CSMD1: variants seen among roughly 807,000 people sequenced by gnomAD.
CSMD1 encodes CUB and Sushi multiple domains 1.
CSMD1 carries 213 observed loss-of-function variants against 417.5 expected under a neutral mutation model. That is an observed-to-expected ratio of 0.51 (90% CI 0.46 to 0.57). The LOEUF (loss-of-function observed/expected upper bound fraction) is 0.57, where lower values mean the gene tolerates loss of function less well. Ranked by LOEUF, CSMD1 falls within the 20% of genes least tolerant of loss-of-function variation. The pLI, the probability that CSMD1 is intolerant of heterozygous loss-of-function variation, is 0.00. For missense variants in CSMD1, 6,923 were observed against 4,529.7 expected, an observed-to-expected ratio of 1.53 and a Z score of -15.17; for synonymous variants, 2,862 against 1,736.8, an observed-to-expected ratio of 1.65 and a Z score of -16.11.
intron 23 of CSMD1, among the ~76,000 whole-genome samples, chr8:3,338,294 G>T (rs774146519): frequency 6.6e-6 from 1 of 152,166 alleles, no homozygotes; most frequent in Non-Finnish European, 1.5e-5. Context: ...GTGGGTGCTG[G>T]GCGTTTCTTG....
chr8:4,015,294 TATAGG>T (rs1796467155), intron 4 of CSMD1, among the ~76,000 whole-genome samples: 1 of 152,184 alleles, frequency 6.6e-6, no homozygotes, highest in Non-Finnish European at 1.5e-5. Flanking sequence ...TCGCAGAATT[TATAGG>T]CACCCATAAA....
At chr8:4,121,536 G>A (rs960032604) in intron 3 of CSMD1, among the ~76,000 whole-genome samples, 2 of 150,820 alleles carry the variant, frequency 1.3e-5, no homozygotes, top group African/African-American at 2.4e-5. Context: ...TTTGTTAATA[G>A]AAGTGAAGCA....
intron 1 of CSMD1, among the ~76,000 whole-genome samples, chr8:4,973,415 T>C (rs529626676): frequency 1.3e-5 from 2 of 152,298 alleles, no homozygotes; most frequent in Admixed American, 1.3e-4. Flanking sequence ...TCCTGAAGCA[T>C]TACTTTCCCC....
intron 7 of CSMD1, among the ~76,000 whole-genome samples, chr8:3,643,745 C>G (rs1797433169): frequency 6.7e-6 from 1 of 148,688 alleles, no homozygotes; most frequent in South Asian, 2.1e-4. Flanking sequence ...TCTGCCTTTT[C>G]CAGCTACTTA....
chr8:4,723,775 T>C (rs535101550), intron 1 of CSMD1, among the ~76,000 whole-genome samples: 1 of 128,544 alleles, frequency 7.8e-6, no homozygotes, highest in East Asian at 2.2e-4. Flanking sequence ...AAATGCAATA[T>C]GCTTTCGAAT....
At position 3,219,398 on chromosome 8, in the gene CSMD1, C is replaced by G; in HGVS notation, c.4529G>C (p.Gly1510Ala). The G allele has an allele frequency of 6.4e-7, 1 of 1,560,478 alleles. No individual in the cohort carries two copies. The highest frequency in any genetic ancestry group is 8.7e-7 in the Non-Finnish European group (1 of 1,152,790). Residue 1510 changes from glycine to alanine, a missense_variant, in exon 29 of 70, where the codon GGG (glycine) becomes GCG (alanine). Transcript: ENST00000635120. ...AATGAGGGGGCTGTTGGAATCTTCC[C>G]CTTCATAGATGTGTAGGAAGTCATA... is the stretch of plus-strand genomic sequence containing the variant. ...PSYDFLHIYE[G>A]EDSNSPLIGS...
At chr8:4,045,743 G>C (rs539250902) in intron 3 of CSMD1, among the ~76,000 whole-genome samples, 2 of 152,208 alleles carry the variant, frequency 1.3e-5, no homozygotes, top group Non-Finnish European at 2.9e-5. Context: ...GTGAACACCA[G>C]TGAACTGTGA....
At chr8:4,414,584 A>C (rs781599864) in intron 3 of CSMD1, among the ~76,000 whole-genome samples, 114 of 151,986 alleles carry the variant, frequency 7.5e-4, no homozygotes, top group Admixed American at 1.4e-3. Context: ...CTTTATCTTT[A>C]AATCAATTCA....
At position 4,424,291 on chromosome 8, in the gene CSMD1, T is replaced by G. The variant is rs1436714866; in HGVS notation, c.303-4226A>C. Among the ~76,000 whole-genome samples the G allele has an allele frequency of 3.3e-5, 5 of 152,006 alleles. No individual in the cohort carries two copies. The East Asian group carries it at 9.7e-4, about 29-fold the overall frequency. ...GGAAAACACATTCGCAAGCCAAATA[T>G]CTGACAAAAGACAAGTATCTAGAAT... On this transcript the variant is annotated intron_variant, in intron 2 of 69. Coordinates refer to ENST00000635120, the MANE Select transcript of CSMD1 (RefSeq NM_033225.6).
chr8:3,383,266 A>G (rs1190920285), intron 18 of CSMD1, among the ~76,000 whole-genome samples: 1 of 152,258 alleles, frequency 6.6e-6, no homozygotes, highest in Non-Finnish European at 1.5e-5. Flanking sequence ...CATGCAGTTT[A>G]CTGCATTTCA....
intron 2 of CSMD1, among the ~76,000 whole-genome samples, chr8:4,425,100 G>A (rs535738199): frequency 2.0e-5 from 3 of 151,948 alleles, no homozygotes; most frequent in Admixed American, 1.3e-4. Flanking sequence ...ATTCGCCTAA[G>A]TTAGGTACAA....
chr8:3,522,211 AT>A (rs1261019764), intron 10 of CSMD1, among the ~76,000 whole-genome samples: 3 of 152,156 alleles, frequency 2.0e-5, no homozygotes, highest in African/African-American at 7.2e-5. Context: ...ATTTTTTATT[AT>A]TTTATCTTAC....
chr8:4,796,299 C>T (rs554624768), intron 1 of CSMD1, among the ~76,000 whole-genome samples: 2 of 151,948 alleles, frequency 1.3e-5, no homozygotes, highest in Non-Finnish European at 2.9e-5. Context: ...AGAAGGCATT[C>T]CATGGAGATG....
chr8:4,556,793 G>C (rs935072186), intron 2 of CSMD1, among the ~76,000 whole-genome samples: 1 of 152,122 alleles, frequency 6.6e-6, no homozygotes, highest in Admixed American at 6.5e-5. Context: ...AACTTTCTGA[G>C]TGCTGACATA....
chr8:3,264,687 A>G (rs181928760), intron 26 of CSMD1, among the ~76,000 whole-genome samples: 10 of 152,314 alleles, frequency 6.6e-5, no homozygotes, highest in Admixed American at 5.9e-4. Flanking sequence ...TAAAAAGAGT[A>G]TTGTGTCCTA....
intron 5 of CSMD1, among the ~76,000 whole-genome samples, chr8:3,919,954 G>C (rs957009328): frequency 6.6e-6 from 1 of 151,850 alleles, no homozygotes; most frequent in African/African-American, 2.4e-5. Context: ...ACACAACTGA[G>C]TCTTGTATTT....
At chr8:4,080,937 C>A (rs73190328) in intron 3 of CSMD1, among the ~76,000 whole-genome samples, 18,028 of 152,072 alleles carry the variant, frequency 0.12, 1,151 homozygotes, top group Middle Eastern at 0.18. Context: ...TGATTAGGCT[C>A]TGGGGACTCT....
chr8:3,397,932 T>G (rs1429858035), intron 16 of CSMD1, among the ~76,000 whole-genome samples: 1 of 152,188 alleles, frequency 6.6e-6, no homozygotes, highest in Non-Finnish European at 1.5e-5. Flanking sequence ...AATGAACATT[T>G]CCTTATGCAA....
intron 3 of CSMD1, among the ~76,000 whole-genome samples, chr8:4,068,856 A>G (rs1159734478): frequency 6.6e-6 from 1 of 152,220 alleles, no homozygotes; most frequent in East Asian, 1.9e-4. Flanking sequence ...ATGCAGCTCC[A>G]CCATCTAGTT....
Sources: allele counts gnomAD v4.1 joint callset (sites outside exome capture counted in the v4.1 genomes callset), GRCh38; gene constraint gnomAD v4.1.1; transcripts MANE v1.5; gene names NCBI Gene and HGNC (gene_info 2026-07-23, HGNC 2026-07-21).